Variants in MECOM observed in about 807,000 individuals in gnomAD.
MECOM encodes histone-lysine N-methyltransferase MECOM.
Under a neutral mutation model 116.3 loss-of-function variants are expected in MECOM, and 13 were observed. The observed-to-expected ratio is 0.11, with a 90% CI of 0.07 to 0.18. The LOEUF (loss-of-function observed/expected upper bound fraction) is 0.18, where lower values mean the gene tolerates loss of function less well. Among genes scored for constraint, MECOM ranks in the 10% least tolerant of loss-of-function variants. MECOM has a pLI of 1.00. For synonymous variants in MECOM, 528 were observed against 535.2 expected (o/e 0.99, Z 0.19); for missense variants, 1,299 against 1,509.0 (o/e 0.86, Z 2.31).
intron 4 of MECOM, 57 bp from the exon 5 acceptor site, chr3:169,128,117 A>G (rs1577068451): frequency 6.6e-7 from 1 of 1,506,876 alleles, no homozygotes; most frequent in African/African-American, 1.4e-5. Context: ...ATCACAAACC[A>G]GCCAATCTTA....
chr3:169,308,226 T>G (rs1366460035), intron 2 of MECOM, among the ~76,000 whole-genome samples: 3 of 152,250 alleles, frequency 2.0e-5, no homozygotes, highest in African/African-American at 7.2e-5. Context: ...TTTACTATTG[T>G]GCTGCTGGTA....
intron 2 of MECOM, among the ~76,000 whole-genome samples, chr3:169,210,604 T>C (rs990498845): frequency 1.3e-5 from 2 of 152,110 alleles, no homozygotes; most frequent in Admixed American, 6.6e-5. Flanking sequence ...AGAGATCTCA[T>C]TCTTTCTCTC....
intron 2 of MECOM, among the ~76,000 whole-genome samples, chr3:169,243,793 G>A (rs1368576867): frequency 6.6e-6 from 1 of 152,080 alleles, no homozygotes. Flanking sequence ...CTGTTACTCC[G>A]GAGTTTACTT....
At chr3:169,377,129 A>G (rs1731175532) in intron 2 of MECOM, among the ~76,000 whole-genome samples, 1 of 152,222 alleles carries the variant, frequency 6.6e-6, no homozygotes, top group South Asian at 2.1e-4. Context: ...AGCCATATGC[A>G]GAAAACTGAA....
chr3:169,100,044 C>T (rs1722996409), intron 12 of MECOM, among the ~76,000 whole-genome samples: 3 of 151,144 alleles, frequency 2.0e-5, no homozygotes, highest in African/African-American at 2.4e-5. Context: ...ATTTTCTTCT[C>T]CCCTGACTTC....
chr3:169,084,617 G>A lies in MECOM; in HGVS notation c.*292C>T. The A allele has an allele frequency of 3.0e-6, 1 of 334,506 alleles. No individual in the cohort carries two copies. The highest frequency in any genetic ancestry group is 4.5e-5 in the East Asian group (1 of 22,404). 20.7% of individuals were successfully genotyped at this position (334,506 alleles called of 1,614,324 possible). A position where few individuals can be genotyped will look rare whatever the true frequency, so the allele number is the denominator to read the frequency against. ...TACCCTAAGGTGGGGTAAACTGGAA[G>A]ATGCCTTCAGCCCACCAAGTTTTTT... On this transcript the variant is annotated 3_prime_UTR_variant, in exon 17 of 17. Transcript: ENST00000651503.
intron 1 of MECOM, among the ~76,000 whole-genome samples, chr3:169,400,820 C>T (rs1009013898): frequency 6.6e-6 from 1 of 152,188 alleles, no homozygotes; most frequent in Non-Finnish European, 1.5e-5. Flanking sequence ...TCTCAGCATC[C>T]TTTTCAGATA....
intron 1 of MECOM, among the ~76,000 whole-genome samples, chr3:169,465,045 T>A (rs2108756031): frequency 6.6e-6 from 1 of 152,268 alleles, no homozygotes; most frequent in African/African-American, 2.4e-5. Flanking sequence ...CAATGAATAC[T>A]TATATTAGAA....
chr3:169,267,357 C>A (rs1334215877), intron 2 of MECOM, among the ~76,000 whole-genome samples: 1 of 152,162 alleles, frequency 6.6e-6, no homozygotes, highest in Non-Finnish European at 1.5e-5. Context: ...TTCCATAGAC[C>A]GTATGGCCTT....
intron 2 of MECOM, among the ~76,000 whole-genome samples, chr3:169,302,239 A>G (rs1263738955): frequency 2.0e-5 from 3 of 152,252 alleles, no homozygotes; most frequent in Non-Finnish European, 2.9e-5. Context: ...TTAGAAATGT[A>G]GCACAGTCTT....
intron 1 of MECOM, among the ~76,000 whole-genome samples, chr3:169,585,833 A>G (rs1765711456): frequency 1.3e-5 from 2 of 152,226 alleles, no homozygotes; most frequent in African/African-American, 2.4e-5. Flanking sequence ...TTGCCATTCA[A>G]TACACTTCTT....
At chr3:169,440,468 G>T (rs1295323752) in intron 1 of MECOM, among the ~76,000 whole-genome samples, 1 of 150,184 alleles carries the variant, frequency 6.7e-6, no homozygotes, top group Non-Finnish European at 1.5e-5. Context: ...AGCATTCCAG[G>T]CAGGAGAAAC....
At chr3:169,472,622 GAAAAGAA>G (rs1749668587) in intron 1 of MECOM, among the ~76,000 whole-genome samples, 1 of 65,900 alleles carries the variant, frequency 1.5e-5, no homozygotes, top group African/African-American at 1.0e-4. Context: ...GGAAAGAAAA[GAAAAGAA>G]AAGAAAAGGA....
At chr3:169,410,447 T>C (rs943593955) in intron 1 of MECOM, among the ~76,000 whole-genome samples, 6 of 152,220 alleles carry the variant, frequency 3.9e-5, no homozygotes, top group African/African-American at 1.4e-4. Context: ...TCTTCACTTA[T>C]TGTGTCCTTT....
chr3:169,086,385 A>G, intron 16 of MECOM: 1 of 582,590 alleles, frequency 1.7e-6, no homozygotes, highest in Non-Finnish European at 3.0e-6. Context: ...ACCTACTTTT[A>G]GAGAACAAGA....
intron 2 of MECOM, among the ~76,000 whole-genome samples, chr3:169,284,931 C>T (rs1359637471): frequency 6.6e-6 from 1 of 152,154 alleles, no homozygotes; most frequent in Non-Finnish European, 1.5e-5. Flanking sequence ...GTGACCCCAC[C>T]TTTCAGGAAG....
chr3:169,533,368 G>C (rs571193712), intron 1 of MECOM, among the ~76,000 whole-genome samples: 1 of 152,118 alleles, frequency 6.6e-6, no homozygotes, highest in South Asian at 2.1e-4. Flanking sequence ...TTTATGGTGG[G>C]GACTGTTGAC....
intron 2 of MECOM, among the ~76,000 whole-genome samples, chr3:169,345,368 C>A (rs1387351950): frequency 6.6e-6 from 1 of 152,112 alleles, no homozygotes; most frequent in East Asian, 1.9e-4. Context: ...CATCATGGCT[C>A]CACAGGTTTG....
Position 169,149,963 on chromosome 3 carries a change from GTGTGTGTGTGTGTGTCTGTC to G in MECOM, c.376-6151_376-6132del, listed in dbSNP as rs1459455077. 2.2e-3 allele frequency among the ~76,000 whole-genome samples: 333 copies of G among 150,568 alleles called. 5 individuals carry two copies. The highest frequency in any genetic ancestry group is 7.7e-3 in the African/African-American group (314 of 40,906). The stretch of plus-strand genomic sequence containing the variant: ...TGTGTGTGTGTGTGTGTGTGTGTGT[GTGTGTGTGTGTGTGTCTGTC>G]TGTCTGTCTGTCTGTCTGTCTCTCC... On this transcript the variant is annotated intron_variant, in intron 2 of 16. Coordinates refer to ENST00000651503, the MANE Select transcript of MECOM (RefSeq NM_004991.4).
Sources: gnomAD v4.1 joint callset for allele counts (sites outside exome capture counted in the v4.1 genomes callset) on GRCh38, gnomAD v4.1.1 for gene constraint, MANE v1.5 for transcripts, NCBI Gene and HGNC (gene_info 2026-07-23, HGNC 2026-07-21) for gene names.